Variants in CACNA1E observed in about 807,000 individuals in gnomAD.
CACNA1E encodes the protein voltage-dependent R-type calcium channel subunit alpha-1E.
CACNA1E carries 40 observed loss-of-function variants against 259.2 expected under a neutral mutation model. The observed-to-expected ratio is 0.15, with a 90% CI of 0.12 to 0.20. The LOEUF (loss-of-function observed/expected upper bound fraction) is 0.20, where lower values mean the gene tolerates loss of function less well. Among genes scored for constraint, CACNA1E ranks in the 10% least tolerant of loss-of-function variants. The pLI, the probability that CACNA1E is intolerant of heterozygous loss-of-function variation, is 1.00. For synonymous variants in CACNA1E, 1,104 were observed against 1,138.5 expected (o/e 0.97, Z 0.61); for missense variants, 1,874 against 3,040.1 (o/e 0.62, Z 9.02).
At chr1:181,738,589 G>A (rs914587520) in intron 24 of CACNA1E, among the ~76,000 whole-genome samples, 163 bp downstream of exon 24, 1 of 152,120 alleles carries the variant, frequency 6.6e-6, no homozygotes, top group African/African-American at 2.4e-5. Flanking sequence ...GAAGAAATCT[G>A]TCTCAGCAAG....
intron 3 of CACNA1E, among the ~76,000 whole-genome samples, chr1:181,549,272 C>T (rs993232470): frequency 6.6e-6 from 1 of 152,070 alleles, no homozygotes; most frequent in Admixed American, 6.5e-5. Context: ...GTCACACAAC[C>T]AGGTTGTCAA....
At chr1:181,756,114 G>T in intron 29 of CACNA1E, 21 bp downstream of exon 29, 1 of 1,598,516 alleles carries the variant, frequency 6.3e-7, no homozygotes, top group Non-Finnish European at 8.5e-7. Flanking sequence ...GAGTTGTCAT[G>T]CTTGTCTGTG....
chr1:181,595,876 G>T (rs1653109087), intron 6 of CACNA1E, among the ~76,000 whole-genome samples: 1 of 152,208 alleles, frequency 6.6e-6, no homozygotes, highest in Non-Finnish European at 1.5e-5. Context: ...CCATGCCTGG[G>T]AAGGTGACCA....
chr1:181,683,320 C>T (rs1447279558), intron 7 of CACNA1E, among the ~76,000 whole-genome samples: 1 of 152,250 alleles, frequency 6.6e-6, no homozygotes, highest in Non-Finnish European at 1.5e-5. Flanking sequence ...GATTTTTGTT[C>T]TCAGTCACTT....
At position 181,684,595 on chromosome 1, in the gene CACNA1E, G is replaced by T. The variant is rs370350434; in HGVS notation, c.1056-26359G>T. ...GGTATTTCCTAGGTTTTCTCCTAGG[G>T]TTTTCATAGTTTTAAGTTTTTCATT... On this transcript the variant is annotated intron_variant, in intron 7 of 47. Coordinates refer to ENST00000367573, the MANE Select transcript of CACNA1E (RefSeq NM_001205293.3). Among the ~76,000 whole-genome samples, 24 of 152,222 alleles carry T rather than the reference G, an allele frequency of 1.6e-4. 2 individuals are homozygous for T. The highest frequency in any genetic ancestry group is 5.8e-4 in the African/African-American group (24 of 41,558).
chr1:181,750,560 G>T, intron 26 of CACNA1E, 73 bp downstream of exon 26: 1 of 1,403,992 alleles, frequency 7.1e-7, no homozygotes. Context: ...GTATGGTTGG[G>T]AGGGGAGGGG....
chr1:181,536,271 G>A (rs927491120), intron 3 of CACNA1E, among the ~76,000 whole-genome samples: 1 of 151,928 alleles, frequency 6.6e-6, no homozygotes, highest in South Asian at 2.1e-4. Context: ...TTTAAATGAT[G>A]TTGGAATTTC....
In CACNA1E at chr1:181,788,996, C is replaced by T. The variant is rs148083983; in HGVS notation, c.5787-1449C>T. On this transcript the variant is annotated intron_variant, in intron 43 of 47. Coordinates refer to ENST00000367573, the MANE Select transcript of CACNA1E (RefSeq NM_001205293.3). ...CCTCCTGCCTCAGCCTCCTGTGCAG[C>T]TGGGACCACCCCAGGCACGTGCTAT... Among the ~76,000 whole-genome samples, 33 of 151,594 alleles carry T rather than the reference C, an allele frequency of 2.2e-4. No homozygotes were observed. The East Asian group carries it at 2.4e-3, about 11-fold the overall frequency.
chr1:181,611,418 CA>C (rs1401593690), intron 6 of CACNA1E, among the ~76,000 whole-genome samples: 1 of 148,346 alleles, frequency 6.7e-6, no homozygotes, highest in African/African-American at 2.5e-5. Flanking sequence ...TTTTTTTTCT[CA>C]GAAGCAATTC....
intron 3 of CACNA1E, among the ~76,000 whole-genome samples, chr1:181,562,861 G>T (rs942903095): frequency 2.0e-5 from 3 of 152,138 alleles, no homozygotes; most frequent in African/African-American, 7.2e-5. Flanking sequence ...CACAATGAAA[G>T]TACAATTAAA....
intron 6 of CACNA1E, among the ~76,000 whole-genome samples, chr1:181,598,839 T>C (rs1450243997): frequency 6.6e-6 from 1 of 152,136 alleles, no homozygotes; most frequent in Admixed American, 6.6e-5. Context: ...TTCACGCCCT[T>C]GCCTCCTCCA....
chr1:181,501,106 C>T (rs1383264968), intron 1 of CACNA1E, among the ~76,000 whole-genome samples: 1 of 152,228 alleles, frequency 6.6e-6, no homozygotes, highest in East Asian at 1.9e-4. Context: ...GCTTTTAATG[C>T]TCCCCTTTTC....
chr1:181,781,293 G>T (rs770112303), intron 38 of CACNA1E, 134 bp from the exon 39 acceptor site: 12 of 609,652 alleles, frequency 2.0e-5, no homozygotes, highest in South Asian at 5.9e-5. Context: ...TATTTTGTTC[G>T]TTTTTGCTCT....
intron 32 of CACNA1E, among the ~76,000 whole-genome samples, chr1:181,759,358 T>TA (rs1471844974): frequency 6.6e-6 from 1 of 151,932 alleles, no homozygotes; most frequent in African/African-American, 2.4e-5. Flanking sequence ...GTTTATTACT[T>TA]ATGCCTATAA....
intron 3 of CACNA1E, among the ~76,000 whole-genome samples, chr1:181,550,874 C>A (rs532404116): frequency 1.9e-4 from 29 of 152,074 alleles, no homozygotes; most frequent in Admixed American, 3.3e-4. Flanking sequence ...TGTAAAGGAT[C>A]GGTGCCTTAA....
intron 38 of CACNA1E, chr1:181,779,370 TC>T (rs753049894): frequency 2.9e-6 from 1 of 348,152 alleles, no homozygotes; most frequent in Non-Finnish European, 6.1e-6. Context: ...GCCATCCTCT[TC>T]ATGGCTAAGC....
chr1:181,581,660 G>T (rs1651556878), intron 6 of CACNA1E, among the ~76,000 whole-genome samples: 1 of 152,198 alleles, frequency 6.6e-6, no homozygotes, highest in Non-Finnish European at 1.5e-5. Flanking sequence ...AAGGCTTGGT[G>T]CAGACTCTAT....
chr1:181,321,037 T>A (rs1328593335), intron 1 of CACNA1E, among the ~76,000 whole-genome samples: 2 of 152,068 alleles, frequency 1.3e-5, no homozygotes, highest in Non-Finnish European at 2.9e-5. Context: ...TGTGTGCAGA[T>A]CACAAGATGA....
At chr1:181,481,026 C>T (rs146377686), upstream of CACNA1E, among the ~76,000 whole-genome samples, 10 of 152,104 alleles carry the variant, frequency 6.6e-5, no homozygotes, top group Non-Finnish European at 1.2e-4. Context: ...TACAGGGATA[C>T]CGAGATAGCC....
Sources: gnomAD v4.1 joint callset for allele counts (sites outside exome capture counted in the v4.1 genomes callset) on GRCh38, gnomAD v4.1.1 for gene constraint, MANE v1.5 for transcripts, NCBI Gene and HGNC (gene_info 2026-07-23, HGNC 2026-07-21) for gene names.